The following NXPE1 variants were observed in gnomAD, a reference collection of about 807,000 sequenced individuals.
NXPE1 encodes the protein neurexophilin and PC-esterase domain family member 1, also known as NXPE family member 1.
NXPE1 carries 31 observed loss-of-function variants against 33.3 expected under a neutral mutation model. The observed-to-expected ratio is 0.93, with a 90% CI of 0.70 to 1.26. The LOEUF (loss-of-function observed/expected upper bound fraction) is 1.26. NXPE1 is among the 50% of genes most tolerant of loss of function. The pLI is 0.00. For synonymous variants in NXPE1, 229 were observed against 231.4 expected, an observed-to-expected ratio of 0.99 and a Z score of 0.09; for missense variants, 661 against 655.6, an observed-to-expected ratio of 1.01 and a Z score of -0.09.
At chr11:114,524,760 T>G (rs1357263303) in intron 7 of NXPE1, among the ~76,000 whole-genome samples, 2 of 152,194 alleles carry the variant, frequency 1.3e-5, no homozygotes, top group African/African-American at 4.8e-5. Context: ...GTGTCAGGTA[T>G]TCATTTTGCC....
chr11:114,554,722 G>T (rs148779447), intron 1 of NXPE1, among the ~76,000 whole-genome samples: 1 of 152,126 alleles, frequency 6.6e-6, no homozygotes, highest in Non-Finnish European at 1.5e-5. Flanking sequence ...ACTTCAAGTC[G>T]CTAAGCCACA....
At chr11:114,536,348 C>T (rs1234892731) in intron 5 of NXPE1, among the ~76,000 whole-genome samples, 2 of 152,128 alleles carry the variant, frequency 1.3e-5, no homozygotes, top group Admixed American at 6.6e-5. Flanking sequence ...GAAAAATTGA[C>T]ACCCTAACAT....
At chr11:114,535,454 G>A (rs1400075478) in intron 5 of NXPE1, among the ~76,000 whole-genome samples, 1 of 152,086 alleles carries the variant, frequency 6.6e-6, no homozygotes, top group Admixed American at 6.5e-5. Context: ...ATGTAAATGC[G>A]CTAAATTGCT....
intron 5 of NXPE1, among the ~76,000 whole-genome samples, chr11:114,539,813 G>A (rs1948015830): frequency 6.6e-6 from 1 of 151,976 alleles, no homozygotes; most frequent in Admixed American, 6.6e-5. Context: ...AAGCAGACTT[G>A]AAGTTTATTA....
chr11:114,536,254 AC>A (rs1415696474), intron 5 of NXPE1, among the ~76,000 whole-genome samples: 1 of 152,230 alleles, frequency 6.6e-6, no homozygotes, highest in African/African-American at 2.4e-5. Context: ...GACACAACAT[AC>A]CAGAATCTCT....
At chr11:114,555,636 T>C (rs1165868838) in intron 1 of NXPE1, among the ~76,000 whole-genome samples, 1 of 152,214 alleles carries the variant, frequency 6.6e-6, no homozygotes, top group East Asian at 1.9e-4. Flanking sequence ...AAGTTCCATT[T>C]CCTTGTCAAT....
chr11:114,519,907 T>G (rs184315874), downstream of NXPE1, among the ~76,000 whole-genome samples: 1 of 138,220 alleles, frequency 7.2e-6, no homozygotes, highest in East Asian at 1.9e-4. Flanking sequence ...TTGTTTGTTT[T>G]TTGAGACAGA....
intron 2 of NXPE1, among the ~76,000 whole-genome samples, chr11:114,552,463 A>G (rs889686842): frequency 2.0e-5 from 3 of 152,178 alleles, no homozygotes; most frequent in African/African-American, 7.2e-5. Context: ...CCTGACAAGC[A>G]CAATATTTGT....
intron 5 of NXPE1, among the ~76,000 whole-genome samples, chr11:114,543,103 G>T (rs184252904): frequency 3.3e-5 from 5 of 152,014 alleles, no homozygotes; most frequent in Admixed American, 3.3e-4. Flanking sequence ...AATACATAAA[G>T]AAATCACTTT....
At chr11:114,529,042 A>G in intron 6 of NXPE1, 1 of 399,734 alleles carries the variant, frequency 2.5e-6, no homozygotes, top group Non-Finnish European at 4.4e-6. Flanking sequence ...TCTGGAATGC[A>G]TGTTATTTTG....
At chr11:114,519,856 A>G (rs993521318), downstream of NXPE1, among the ~76,000 whole-genome samples, 1 of 152,154 alleles carries the variant, frequency 6.6e-6, no homozygotes, top group African/African-American at 2.4e-5. Context: ...TGTAGTCAGT[A>G]TATTAACATA....
intron 5 of NXPE1, among the ~76,000 whole-genome samples, chr11:114,535,463 C>T (rs182944599): frequency 6.6e-6 from 1 of 152,276 alleles, no homozygotes; most frequent in East Asian, 1.9e-4. Flanking sequence ...CGCTAAATTG[C>T]TCCAATTAAA....
At chr11:114,533,686 T>G (rs1209971563) in intron 5 of NXPE1, among the ~76,000 whole-genome samples, 2 of 152,206 alleles carry the variant, frequency 1.3e-5, no homozygotes, top group Non-Finnish European at 2.9e-5. Flanking sequence ...CCTTGCTCAT[T>G]GCTAGCACAG....
intron 1 of NXPE1, among the ~76,000 whole-genome samples, chr11:114,555,138 G>A (rs1055361323): frequency 2.0e-5 from 3 of 151,628 alleles, no homozygotes; most frequent in African/African-American, 7.3e-5. Context: ...TTGCTGTCTG[G>A]TATAGATATT....
Position 114,553,297 on chromosome 11 carries a change from G to A in NXPE1, c.-210-417C>T, listed in dbSNP as rs77291852. Among the ~76,000 whole-genome samples the A allele has an allele frequency of 1.3e-3, 200 of 152,254 alleles. 1 individual carries two copies. The highest frequency in any genetic ancestry group is 4.6e-3 in the African/African-American group (193 of 41,550). On this transcript the variant is annotated intron_variant, in intron 1 of 8. Transcript: ENST00000534921. Reference sequence around the variant, plus strand: ...GGACATTCTAGAGGAGATTCCCTCGGAGAGTCCCTCATTCGAGAGGAGAAT... The same window carrying A: ...GGACATTCTAGAGGAGATTCCCTCGAAGAGTCCCTCATTCGAGAGGAGAAT...
At chr11:114,539,835 TA>T (rs1948016858) in intron 5 of NXPE1, among the ~76,000 whole-genome samples, 2 of 152,146 alleles carry the variant, frequency 1.3e-5, no homozygotes, top group South Asian at 4.1e-4. Flanking sequence ...AGGTTAATGG[TA>T]CCATCAGAAA....
intron 1 of NXPE1, among the ~76,000 whole-genome samples, chr11:114,556,610 T>C (rs1419798933): frequency 6.6e-6 from 1 of 152,012 alleles, no homozygotes; most frequent in Non-Finnish European, 1.5e-5. Context: ...CCACGCAGCA[T>C]GATTCCCTAC....
At chr11:114,559,423 C>T (rs1948727042) in intron 1 of NXPE1, among the ~76,000 whole-genome samples, 1 of 152,174 alleles carries the variant, frequency 6.6e-6, no homozygotes, top group Non-Finnish European at 1.5e-5. Context: ...CAGTTGTAAA[C>T]AGGTATTTTT....
At chr11:114,557,880 A>G (rs1374396522) in intron 1 of NXPE1, among the ~76,000 whole-genome samples, 1 of 151,870 alleles carries the variant, frequency 6.6e-6, no homozygotes, top group Non-Finnish European at 1.5e-5. Context: ...TTTGCGGGCT[A>G]TACAATTCTA....
Sources: allele counts gnomAD v4.1 joint callset (sites outside exome capture counted in the v4.1 genomes callset), GRCh38; gene constraint gnomAD v4.1.1; transcripts MANE v1.5; gene names NCBI Gene and HGNC (gene_info 2026-07-23, HGNC 2026-07-21).